The following LZTFL1 variants were observed in gnomAD, a reference collection of about 807,000 sequenced individuals.
The protein encoded by LZTFL1 is leucine zipper transcription factor like 1, also known as leucine zipper transcription factor-like protein 1.
Under a neutral mutation model 45.9 loss-of-function variants are expected in LZTFL1, and 25 were observed. The ratio of observed to expected loss-of-function variants is 0.54; its 90% CI spans 0.40 to 0.76. The LOEUF (loss-of-function observed/expected upper bound fraction) is 0.76, where lower values mean the gene tolerates loss of function less well. LZTFL1 is among the 30% of genes least tolerant of loss of function. The pLI is 0.00. For missense variants in LZTFL1, 277 were observed against 331.1 expected (o/e 0.84, Z 1.27); for synonymous variants, 93 against 117.4 (o/e 0.79, Z 1.35).
intron 4 of LZTFL1, among the ~76,000 whole-genome samples, chr3:45,848,278 T>C (rs539236047): frequency 1.3e-5 from 2 of 152,334 alleles, no homozygotes; most frequent in African/African-American, 4.8e-5. Flanking sequence ...CTTTTCTTCT[T>C]TTTTACAATG....
At chr3:45,891,633 A>G (rs992747541) in intron 2 of LZTFL1, among the ~76,000 whole-genome samples, 1 of 152,190 alleles carries the variant, frequency 6.6e-6, no homozygotes, top group Non-Finnish European at 1.5e-5. Context: ...CAGCACTATC[A>G]TCGAATTCAC....
chr3:45,913,814 C>G (rs1225450996), intron 1 of LZTFL1, among the ~76,000 whole-genome samples: 2 of 152,188 alleles, frequency 1.3e-5, no homozygotes, highest in Non-Finnish European at 2.9e-5. Flanking sequence ...CCCCTGGATA[C>G]TTTCTCCATT....
chr3:45,895,389 C>T (rs912341848), intron 2 of LZTFL1, among the ~76,000 whole-genome samples: 1 of 152,202 alleles, frequency 6.6e-6, no homozygotes, highest in African/African-American at 2.4e-5. Context: ...TATACATTCC[C>T]CTGAAAGAGA....
intron 2 of LZTFL1, among the ~76,000 whole-genome samples, chr3:45,886,273 A>G (rs955219271): frequency 6.6e-6 from 1 of 152,182 alleles, no homozygotes; most frequent in African/African-American, 2.4e-5. Context: ...GGGATCCTCC[A>G]ATTTCCCCAT....
intron 2 of LZTFL1, among the ~76,000 whole-genome samples, chr3:45,868,791 C>T (rs1397379743): frequency 1.3e-5 from 2 of 152,160 alleles, no homozygotes; most frequent in Admixed American, 6.5e-5. Flanking sequence ...TCATCAAGCC[C>T]TTATGGTCCT....
chr3:45,887,851 C>A (rs1702029604), intron 2 of LZTFL1, among the ~76,000 whole-genome samples: 1 of 152,208 alleles, frequency 6.6e-6, no homozygotes, highest in Non-Finnish European at 1.5e-5. Context: ...GCTCAGAGAC[C>A]CTGCCTCGTG....
At chr3:45,839,384 G>A (rs568339576) in intron 1 of LZTFL1, among the ~76,000 whole-genome samples, 22 of 152,232 alleles carry the variant, frequency 1.4e-4, no homozygotes, top group East Asian at 1.9e-4. Flanking sequence ...CACCACGCCC[G>A]GCCCAGATTC....
intron 2 of LZTFL1, among the ~76,000 whole-genome samples, chr3:45,874,870 T>A (rs1324708908): frequency 6.6e-6 from 1 of 152,220 alleles, no homozygotes; most frequent in Non-Finnish European, 1.5e-5. Flanking sequence ...AAACCCAGAC[T>A]AGCCAGCTGG....
At chr3:45,908,753 C>T (rs1019479745) in intron 2 of LZTFL1, among the ~76,000 whole-genome samples, 1 of 152,214 alleles carries the variant, frequency 6.6e-6, no homozygotes, top group Non-Finnish European at 1.5e-5. Context: ...CTTCTCCACT[C>T]ATGTTCTTTT....
At chr3:45,878,452 G>C (rs892421996) in intron 2 of LZTFL1, among the ~76,000 whole-genome samples, 2 of 152,142 alleles carry the variant, frequency 1.3e-5, no homozygotes, top group Non-Finnish European at 2.9e-5. Flanking sequence ...ATACTATAGG[G>C]CCAGGGACAG....
chr3:45,870,461 G>C (rs186792291), intron 2 of LZTFL1, among the ~76,000 whole-genome samples: 1 of 152,338 alleles, frequency 6.6e-6, no homozygotes, highest in Admixed American at 6.5e-5. Context: ...TGGTGTCTCT[G>C]TGTGTGTGCA....
intron 2 of LZTFL1, among the ~76,000 whole-genome samples, chr3:45,865,954 A>G (rs1205295171): frequency 2.0e-5 from 3 of 152,268 alleles, no homozygotes; most frequent in Non-Finnish European, 4.4e-5. Flanking sequence ...ACTATTCCAC[A>G]ATAATAGGAA....
At chr3:45,884,444 G>C (rs1430258781) in intron 2 of LZTFL1, among the ~76,000 whole-genome samples, 5 of 152,142 alleles carry the variant, frequency 3.3e-5, no homozygotes, top group Non-Finnish European at 2.9e-5. Flanking sequence ...GAGGGCATGT[G>C]AGTGCTCTAG....
intron 2 of LZTFL1, among the ~76,000 whole-genome samples, chr3:45,877,891 G>A (rs1002502655): frequency 6.6e-6 from 1 of 151,544 alleles, no homozygotes; most frequent in Non-Finnish European, 1.5e-5. Flanking sequence ...AATTACAGGC[G>A]CCTGCCACTA....
chr3:45,902,067 A>C, intron 2 of LZTFL1: 1 of 628,050 alleles, frequency 1.6e-6, no homozygotes, highest in Non-Finnish European at 2.7e-6. Context: ...AATATTTCAA[A>C]ATCAACTGAC....
chr3:45,885,038 C>T (rs1701943669), intron 2 of LZTFL1, among the ~76,000 whole-genome samples: 1 of 152,206 alleles, frequency 6.6e-6, no homozygotes, highest in South Asian at 2.1e-4. Context: ...TTCGTTCTTA[C>T]TGTGCATGCC....
intron 2 of LZTFL1, chr3:45,913,034 G>C (rs1702828112): frequency 7.8e-7 from 1 of 1,279,038 alleles, no homozygotes; most frequent in Non-Finnish European, 1.1e-6. Context: ...CAAGTAAAAT[G>C]AGAATGGTTT....
At position 45,900,806 on chromosome 3, in the gene LZTFL1, G is replaced by A. The variant is rs369494896; in HGVS notation, c.-215+12314C>T. The A allele has an allele frequency of 6.2e-7, 1 of 1,605,238 alleles. No homozygotes were observed. The highest frequency in any genetic ancestry group is 8.5e-7 in the Non-Finnish European group (1 of 1,174,144). ...ACCTAATGCCATCTTGTGTCCCCTT[G>A]CAGAGCCCTATTCCTAACATGGCTG... is the stretch of plus-strand genomic sequence containing the variant. On this transcript the variant is annotated intron_variant, in intron 2 of 4. Coordinates refer to the LZTFL1 transcript ENST00000472635. The surrounding 1 kb of genome is among the most constrained non-coding windows in gnomAD (Gnocchi z 4.7).
At chr3:45,902,871 G>GTTCA (rs1702602840) in intron 2 of LZTFL1, 2 of 167,030 alleles carry the variant, frequency 1.2e-5, no homozygotes, top group African/African-American at 4.8e-5. Flanking sequence ...AGGGCAAAGG[G>GTTCA]GTGAAGCGCA....
Sources: gnomAD v4.1 joint callset for allele counts (sites outside exome capture counted in the v4.1 genomes callset) on GRCh38, gnomAD v4.1.1 for gene constraint, Gnocchi (gnomAD v3.1) non-coding constraint, MANE v1.5 for transcripts, NCBI Gene and HGNC (gene_info 2026-07-23, HGNC 2026-07-21) for gene names.